FSTL5: variants seen among roughly 807,000 people sequenced by gnomAD.
FSTL5 encodes the protein follistatin like 5.
In FSTL5, 62 loss-of-function variants were observed where a neutral mutation model predicts 89.1. The observed-to-expected ratio is 0.70, with a 90% CI of 0.57 to 0.86. FSTL5 has a LOEUF of 0.86. Among genes scored for constraint, FSTL5 ranks in the 40% least tolerant of loss-of-function variants. FSTL5 has a pLI of 0.00. For synonymous variants in FSTL5, 383 were observed against 346.2 expected (o/e 1.11, Z -1.18); for missense variants, 1,057 against 1,001.6 (o/e 1.06, Z -0.75).
At chr4:161,621,271 C>T (rs899679321) in intron 7 of FSTL5, among the ~76,000 whole-genome samples, 1 of 24,872 alleles carries the variant, frequency 4.0e-5, no homozygotes, top group Non-Finnish European at 8.9e-5. Flanking sequence ...AAAGACTACA[C>T]ACACACACAC....
chr4:161,636,446 G>GTTTTTTTT (rs796867744), intron 7 of FSTL5, among the ~76,000 whole-genome samples: 1 of 109,780 alleles, frequency 9.1e-6, no homozygotes, highest in African/African-American at 3.5e-5. Flanking sequence ...TCTGGCAGTT[G>GTTTTTTTT]TTTTTTTTTT....
chr4:161,422,049 G>A (rs969285220), intron 15 of FSTL5, among the ~76,000 whole-genome samples: 4 of 151,636 alleles, frequency 2.6e-5, no homozygotes, highest in African/African-American at 9.7e-5. Context: ...ATTATATACG[G>A]CATATATATT....
intron 6 of FSTL5, among the ~76,000 whole-genome samples, chr4:161,698,349 T>C (rs1457528444): frequency 6.6e-6 from 1 of 152,154 alleles, no homozygotes; most frequent in Non-Finnish European, 1.5e-5. Context: ...ATGGTGATTA[T>C]TAGAGACTGA....
intron 6 of FSTL5, among the ~76,000 whole-genome samples, chr4:161,660,249 T>C (rs531665116): frequency 1.3e-5 from 2 of 152,304 alleles, no homozygotes; most frequent in South Asian, 4.2e-4. Flanking sequence ...TGAATCCTTC[T>C]CTATGCTTTC....
chr4:162,098,709 T>C (rs1334656191), intron 2 of FSTL5, among the ~76,000 whole-genome samples: 1 of 152,064 alleles, frequency 6.6e-6, no homozygotes, highest in Non-Finnish European at 1.5e-5. Flanking sequence ...CTGGCTGGTA[T>C]TGATGAAAGA....
chr4:161,711,552 T>C (rs1347393400), intron 6 of FSTL5, among the ~76,000 whole-genome samples: 2 of 152,082 alleles, frequency 1.3e-5, no homozygotes, highest in Non-Finnish European at 2.9e-5. Flanking sequence ...GATCAGATGT[T>C]TTTACTAAAA....
chr4:161,826,421 G>T (rs189208862), intron 4 of FSTL5, among the ~76,000 whole-genome samples: 2 of 151,312 alleles, frequency 1.3e-5, no homozygotes, highest in African/African-American at 4.9e-5. Context: ...TAAATCCATT[G>T]TTTTTTTTGT....
intron 1 of FSTL5, among the ~76,000 whole-genome samples, chr4:162,112,296 G>A (rs1461003462): frequency 2.6e-5 from 4 of 152,094 alleles, no homozygotes; most frequent in African/African-American, 7.2e-5. Context: ...CTGTTTTAGC[G>A]ACAGGGTCTC....
chr4:161,857,305 C>T (rs1047157758), intron 4 of FSTL5, among the ~76,000 whole-genome samples: 5 of 151,982 alleles, frequency 3.3e-5, no homozygotes, highest in Admixed American at 6.6e-5. Context: ...ACAGATTGCA[C>T]GTGAAATAGA....
At chr4:161,844,146 C>T (rs991854641) in intron 4 of FSTL5, among the ~76,000 whole-genome samples, 3 of 152,116 alleles carry the variant, frequency 2.0e-5, no homozygotes, top group African/African-American at 4.8e-5. Context: ...TGAACAGACA[C>T]TTCTCAAAAG....
At chr4:161,695,381 A>G (rs1414919286) in intron 6 of FSTL5, among the ~76,000 whole-genome samples, 1 of 149,706 alleles carries the variant, frequency 6.7e-6, no homozygotes, top group Non-Finnish European at 1.5e-5. Flanking sequence ...TGTGAATGCC[A>G]TTATTCATTC....
intron 6 of FSTL5, among the ~76,000 whole-genome samples, chr4:161,682,943 C>T (rs920707998): frequency 6.6e-6 from 1 of 151,980 alleles, no homozygotes; most frequent in South Asian, 2.1e-4. Context: ...GATGGGGTTT[C>T]ACCATATTGG....
chr4:161,505,966 C>T (rs1730466000), intron 11 of FSTL5, among the ~76,000 whole-genome samples: 1 of 152,096 alleles, frequency 6.6e-6, no homozygotes, highest in South Asian at 2.1e-4. Flanking sequence ...TCTTCCCCTC[C>T]CCCCAATGCC....
chr4:161,512,471 T>C (rs1482621474), intron 10 of FSTL5, among the ~76,000 whole-genome samples: 1 of 152,074 alleles, frequency 6.6e-6, no homozygotes, highest in African/African-American at 2.4e-5. Flanking sequence ...TTAGACATTG[T>C]TAAACAGGGG....
chr4:161,840,083 T>C (rs1406179429), intron 4 of FSTL5, among the ~76,000 whole-genome samples: 1 of 152,164 alleles, frequency 6.6e-6, no homozygotes, highest in Admixed American at 6.6e-5. Flanking sequence ...ATAATGTTGG[T>C]AGTAATGATT....
chr4:161,645,907 C>T (rs573935493), intron 7 of FSTL5, among the ~76,000 whole-genome samples: 13 of 151,770 alleles, frequency 8.6e-5, no homozygotes, highest in African/African-American at 2.9e-4. Context: ...TAAATTTCTA[C>T]GTTTTTAGTT....
At chr4:161,707,012 A>T (rs1053670957) in intron 6 of FSTL5, among the ~76,000 whole-genome samples, 5 of 152,020 alleles carry the variant, frequency 3.3e-5, no homozygotes, top group African/African-American at 1.2e-4. Context: ...CATTACTTTT[A>T]TTCAGACTGT....
chr4:161,726,846 A>G (rs1739438424), intron 6 of FSTL5, among the ~76,000 whole-genome samples: 1 of 151,464 alleles, frequency 6.6e-6, no homozygotes, highest in Non-Finnish European at 1.5e-5. Flanking sequence ...TTACTGATTA[A>G]GGGATTCTAA....
chr4:162,150,465 AATT>A (rs1409633606), intron 1 of FSTL5, among the ~76,000 whole-genome samples: 9 of 152,306 alleles, frequency 5.9e-5, no homozygotes, highest in African/African-American at 1.7e-4. Context: ...TTCAATAAAC[AATT>A]ATTATTATTC....
Sources: gnomAD v4.1 joint callset for allele counts (sites outside exome capture counted in the v4.1 genomes callset) on GRCh38, gnomAD v4.1.1 for gene constraint, MANE v1.5 for transcripts, NCBI Gene and HGNC (gene_info 2026-07-23, HGNC 2026-07-21) for gene names.